The following ZNF682 variants were observed in gnomAD, a reference collection of about 807,000 sequenced individuals.
ZNF682 encodes the protein zinc finger protein 682.
A neutral mutation model predicts 36.5 loss-of-function variants in ZNF682; 29 were observed. The observed-to-expected ratio is 0.80, with a 90% CI of 0.59 to 1.08. The LOEUF (loss-of-function observed/expected upper bound fraction) is 1.08, where lower values mean the gene tolerates loss of function less well. ZNF682 is among the 50% of genes least tolerant of loss of function. The pLI is 0.00. For missense variants in ZNF682, 561 were observed against 579.7 expected (o/e 0.97, Z 0.33); for synonymous variants, 180 against 197.0 (o/e 0.91, Z 0.72).
chr19:20,034,142 T>G (rs1269898029), intron 1 of ZNF682: 1 of 152,422 alleles, frequency 6.6e-6, no homozygotes, highest in Non-Finnish European at 1.5e-5. Context: ...TTCCCCCCAA[T>G]GTTTCTCTTT....
rs146695330 is a variant in ZNF682, at chr19:20,028,801, G to A, written c.4-4425C>T. Among the ~76,000 whole-genome samples the A allele has an allele frequency of 3.6e-3, 541 of 152,200 alleles. 17 individuals carry two copies. The highest frequency in any genetic ancestry group is 8.7e-4 in the Non-Finnish European group (59 of 68,036). On this transcript the variant is annotated intron_variant, in intron 1 of 3. Transcript: ENST00000397165. Reference sequence around the variant, plus strand: ...ACAACACGCGCACATGCATTAATGCGATGTTTATGGAGCATGCGCTGTGTG... The same window carrying A: ...ACAACACGCGCACATGCATTAATGCAATGTTTATGGAGCATGCGCTGTGTG...
chr19:20,018,251 G>A (rs2122347499), intron 3 of ZNF682, among the ~76,000 whole-genome samples: 1 of 150,898 alleles, frequency 6.6e-6, no homozygotes, highest in Admixed American at 6.6e-5. Flanking sequence ...CCGCCACTAC[G>A]CCCGGCTAAT....
chr19:20,038,214 CTT>C (rs900871892), intron 1 of ZNF682, among the ~76,000 whole-genome samples: 2 of 146,466 alleles, frequency 1.4e-5, no homozygotes, highest in South Asian at 2.1e-4. Context: ...GTTTTTTGGT[CTT>C]TTTTTTTTTC....
At chr19:20,010,696 G>T (rs2088277892) in intron 3 of ZNF682, among the ~76,000 whole-genome samples, 1 of 151,968 alleles carries the variant, frequency 6.6e-6, no homozygotes, top group Admixed American at 6.6e-5. Flanking sequence ...GGCCAGTGCG[G>T]TGGCTCACCC....
At chr19:20,022,919 C>A in intron 3 of ZNF682, 85 bp downstream of exon 3, 1 of 1,131,006 alleles carries the variant, frequency 8.8e-7, no homozygotes, top group Non-Finnish European at 1.3e-6. Flanking sequence ...TGGAGCAGAG[C>A]TTCTCAAATA....
At chr19:20,010,110 GAATAAAATATTTCT>G (rs1220619206) in intron 3 of ZNF682, among the ~76,000 whole-genome samples, 1 of 151,914 alleles carries the variant, frequency 6.6e-6, no homozygotes, top group Non-Finnish European at 1.5e-5. Flanking sequence ...AGCAAAGGAG[GAATAAAATATTTCT>G]CAGACAAGCA....
At chr19:20,034,444 A>C (rs1054305955) in intron 1 of ZNF682, 3 of 152,230 alleles carry the variant, frequency 2.0e-5, no homozygotes, top group African/African-American at 7.2e-5. Flanking sequence ...CATCCGTTGC[A>C]TTTATTAGTT....
chr19:19,999,500 G>T (rs1230083288), downstream of ZNF682, among the ~76,000 whole-genome samples: 1 of 152,028 alleles, frequency 6.6e-6, no homozygotes, highest in African/African-American at 2.4e-5. Context: ...CTGATGTCAG[G>T]ACCCAAATTA....
intron 1 of ZNF682, among the ~76,000 whole-genome samples, chr19:20,038,611 A>G (rs2088554801): frequency 2.7e-5 from 2 of 73,286 alleles, no homozygotes; most frequent in African/African-American, 9.5e-5. Context: ...GAGTTCCTAC[A>G]TTAAAAAAAA....
At position 20,006,435 on chromosome 19, in the gene ZNF682, A is replaced by T; in HGVS notation, c.1067T>A (p.Leu356His). 1 of 1,613,884 alleles carries T rather than the reference A, an allele frequency of 6.2e-7. No individual in the cohort carries two copies. The highest frequency in any genetic ancestry group is 8.5e-7 in the Non-Finnish European group (1 of 1,179,966). The change falls in exon 4 of 4, where the codon CTT becomes CAT. Residue 356 changes from leucine to histidine, a missense_variant. Coordinates refer to ENST00000397165, the MANE Select transcript of ZNF682 (RefSeq NM_033196.3). ...GCTATGAATTACCTTATGTTCAGTA[A>T]GAATTGATGATGAGTTAAAAGCTTT... ...CGKAFNSSSILTEHKVIHSGE... is the reference protein window; with the variant it reads ...CGKAFNSSSIHTEHKVIHSGE...
chr19:20,006,756 C>A lies in ZNF682; in HGVS notation c.746G>T (p.Arg249Ile), dbSNP rs776964289. 5.6e-6 allele frequency: 9 copies of A among 1,613,680 alleles called. No homozygotes were observed. The highest frequency in any genetic ancestry group is 3.3e-5 in the Admixed American group (2 of 60,000). Reference protein sequence around the residue: ...NWCSSLTKHKRIHTGEKPYKC... With the variant: ...NWCSSLTKHKIIHTGEKPYKC... ...GTAGGGTTTCTCACCAGTATGGATT[C>A]TCTTATGTTTAGTAAGACTCGAGCA... The change falls in exon 4 of 4, where the codon AGA becomes ATA. Residue 249 changes from arginine to isoleucine, a missense_variant. Coordinates refer to ENST00000397165, the MANE Select transcript of ZNF682 (RefSeq NM_033196.3).
Position 20,004,989 on chromosome 19 carries a change from T to C in ZNF682, c.*1016A>G, listed in dbSNP as rs757136095. 4 of 152,236 alleles carry C rather than the reference T, an allele frequency of 2.6e-5. No individual in the cohort carries two copies. Among genetic ancestry groups the C allele is most frequent in the Non-Finnish European group, 5.9e-5 (4 of 68,038 alleles). 9.4% of individuals were successfully genotyped at this position (152,236 alleles called of 1,614,324 possible). A position where few individuals can be genotyped will look rare whatever the true frequency, so the allele number is the denominator to read the frequency against. On this transcript the variant is annotated 3_prime_UTR_variant, in exon 4 of 4. Transcript: ENST00000397165. ...AAAGTGTTAGCGTCTTAGTGGTTTC[T>C]ACTGTGAATCTTCTGATGTTCATTT...
chr19:20,030,204 T>C (rs531825837), intron 1 of ZNF682, among the ~76,000 whole-genome samples: 1 of 152,348 alleles, frequency 6.6e-6, no homozygotes, highest in East Asian at 1.9e-4. Flanking sequence ...TTAACCAAAA[T>C]GCATAGTGTT....
At chr19:20,032,701 C>T (rs2088489643) in intron 1 of ZNF682, among the ~76,000 whole-genome samples, 1 of 152,156 alleles carries the variant, frequency 6.6e-6, no homozygotes, top group Admixed American at 6.5e-5. Context: ...CATATGATTA[C>T]ACAATTAAGC....
Position 20,024,507 on chromosome 19 carries a change from ATTC to A in ZNF682, c.4-134_4-132del, listed in dbSNP as rs74389959. The A allele has an allele frequency of 2.8e-3, 3,091 of 1,112,964 alleles. 101 individuals carry two copies. The East Asian group carries it at 0.072, about 26-fold the overall frequency. The allele number at this position is 1,112,964 out of a possible 1,614,324, so 68.9% of individuals were successfully genotyped here. ...TCAATCTGCTATTTTTAACAAATAT[ATTC>A]TCTGATGTATTCTCTAACACTGAGG... On this transcript the variant is annotated intron_variant, in intron 1 of 3. Coordinates refer to ENST00000397165, the MANE Select transcript of ZNF682 (RefSeq NM_033196.3).
chr19:20,037,766 GA>G (rs1297990528), intron 1 of ZNF682, among the ~76,000 whole-genome samples: 1 of 152,274 alleles, frequency 6.6e-6, no homozygotes, highest in South Asian at 2.1e-4. Flanking sequence ...ACCAATCTGA[GA>G]AAATTTTCTC....
At chr19:20,018,409 G>A (rs2088356673) in intron 3 of ZNF682, among the ~76,000 whole-genome samples, 1 of 152,052 alleles carries the variant, frequency 6.6e-6, no homozygotes, top group Admixed American at 6.6e-5. Context: ...AATTCTTTTA[G>A]GAGCTATAAC....
chr19:20,018,248 T>C (rs1251838789), intron 3 of ZNF682, among the ~76,000 whole-genome samples: 2 of 150,808 alleles, frequency 1.3e-5, no homozygotes, highest in African/African-American at 4.9e-5. Context: ...CGCCCGCCAC[T>C]ACGCCCGGCT....
At chr19:20,019,293 C>G (rs1599609785) in intron 3 of ZNF682, among the ~76,000 whole-genome samples, 1 of 152,196 alleles carries the variant, frequency 6.6e-6, no homozygotes, top group South Asian at 2.1e-4. Flanking sequence ...TTTTGAGCCA[C>G]TGGTAGGCAA....
Sources: gnomAD v4.1 joint callset for allele counts (sites outside exome capture counted in the v4.1 genomes callset) on GRCh38, gnomAD v4.1.1 for gene constraint, MANE v1.5 for transcripts, NCBI Gene and HGNC (gene_info 2026-07-23, HGNC 2026-07-21) for gene names.